The following CSPP1 variants were observed in gnomAD, a reference collection of about 807,000 sequenced individuals.
CSPP1 encodes centrosome and spindle pole-associated protein 1.
Under a neutral mutation model 164.4 loss-of-function variants are expected in CSPP1, and 126 were observed. The observed-to-expected ratio is 0.77, with a 90% CI of 0.66 to 0.89. The LOEUF is 0.89. Ranked by LOEUF, CSPP1 falls within the 40% of genes least tolerant of loss-of-function variation. CSPP1 has a pLI of 0.00. For synonymous variants in CSPP1, 472 were observed against 476.7 expected (o/e 0.99, Z 0.13); for missense variants, 1,395 against 1,449.8 (o/e 0.96, Z 0.61).
intron 17 of CSPP1, among the ~76,000 whole-genome samples, chr8:67,145,042 C>T (rs1824239528): frequency 7.2e-6 from 1 of 138,388 alleles, no homozygotes; most frequent in African/African-American, 2.7e-5. Context: ...ACTGCCAGAG[C>T]GGGACTCCAT....
At chr8:67,112,178 C>A in intron 10 of CSPP1, 113 bp downstream of exon 10, 6 of 531,678 alleles carry the variant, frequency 1.1e-5, no homozygotes, top group East Asian at 7.2e-5. Context: ...ATTTGTAAAT[C>A]ACTTATATTT....
At chr8:67,193,823 TCTAAAC>T (rs1837107645) in intron 30 of CSPP1, among the ~76,000 whole-genome samples, 1 of 152,134 alleles carries the variant, frequency 6.6e-6, no homozygotes, top group African/African-American at 2.4e-5. Context: ...TAGAGTGGAG[TCTAAAC>T]AGGTAAAATA....
At chr8:67,070,584 A>G (rs1312805291) in intron 1 of CSPP1, among the ~76,000 whole-genome samples, 1 of 151,876 alleles carries the variant, frequency 6.6e-6, no homozygotes, top group Non-Finnish European at 1.5e-5. Flanking sequence ...ACAATGAACT[A>G]TGATCGTGCC....
intron 29 of CSPP1, among the ~76,000 whole-genome samples, chr8:67,192,516 C>T (rs1211481246): frequency 2.0e-5 from 3 of 152,030 alleles, no homozygotes; most frequent in Non-Finnish European, 4.4e-5. Flanking sequence ...TGATGGTGTT[C>T]TTTGAAGCAC....
intron 17 of CSPP1, among the ~76,000 whole-genome samples, chr8:67,146,370 A>C (rs1824561408): frequency 6.6e-6 from 1 of 151,298 alleles, no homozygotes; most frequent in Non-Finnish European, 1.5e-5. Context: ...TGATCCTCCC[A>C]CCTCAGCCTC....
intron 3 of CSPP1, among the ~76,000 whole-genome samples, chr8:67,078,696 C>T (rs529366104): frequency 1.3e-5 from 2 of 148,558 alleles, no homozygotes; most frequent in Admixed American, 6.7e-5. Flanking sequence ...TCGGGCTGGG[C>T]GTGGTGGCTC....
chr8:67,087,283 G>GCATT (rs2129543766), intron 4 of CSPP1, among the ~76,000 whole-genome samples: 1 of 152,200 alleles, frequency 6.6e-6, no homozygotes, highest in East Asian at 1.9e-4. Flanking sequence ...AGATTGCATT[G>GCATT]TCCATTTATA....
At chr8:67,103,371 TGAA>T (rs1814565546) in intron 8 of CSPP1, among the ~76,000 whole-genome samples, 1 of 152,186 alleles carries the variant, frequency 6.6e-6, no homozygotes, top group Non-Finnish European at 1.5e-5. Flanking sequence ...CAAGGTGTTC[TGAA>T]GAAGTCCCTA....
At chr8:67,086,293 C>G in intron 4 of CSPP1, 183 bp downstream of exon 4, 1 of 667,242 alleles carries the variant, frequency 1.5e-6, no homozygotes, top group Non-Finnish European at 2.8e-6. Context: ...TGCTGAGAAC[C>G]GGTGCCATAG....
rs532776462 is a variant in CSPP1 at position 67,177,548 on chromosome 8, A to C, written c.3110-132A>C. ...GTTTTTTAATAAGTGATATCTTTAA[A>C]ATACTCTGAAGTGTGATAGTTGAAA... On this transcript the variant is annotated intron_variant, in intron 26 of 30. Transcript: ENST00000678616. 6.5e-6 allele frequency: 4 copies of C among 611,686 alleles called. No homozygotes were observed. The Admixed American group carries it at 1.2e-4, about 18-fold the overall frequency. The allele number at this position is 611,686 out of a possible 1,614,324, so 37.9% of individuals were successfully genotyped here.
chr8:67,159,840 TTCTTTCTTTCTTTTTCTTTCTTTC>T (rs1563710208), intron 21 of CSPP1, among the ~76,000 whole-genome samples: 2 of 129,560 alleles, frequency 1.5e-5, no homozygotes, highest in East Asian at 4.3e-4. Context: ...CTTTCTTTCT[TTCTTTCTTTCTTTTTCTTTCTTTC>T]TTTCTTTCTT....
chr8:67,195,789 T>G lies in CSPP1; in HGVS notation c.*196T>G, dbSNP rs1372194113. 6 of 555,620 alleles carry G rather than the reference T, an allele frequency of 1.1e-5. No individual in the cohort carries two copies. In the African/African-American group the frequency reaches 1.1e-4, roughly 10 times the overall value. The allele number at this position is 555,620 out of a possible 1,614,324, so 34.4% of individuals were successfully genotyped here. A position where few individuals can be genotyped will look rare whatever the true frequency, so the allele number is the denominator to read the frequency against. ...TGATTATTGATTTATATAATAGAAT[T>G]GTATAGATTATTTTTGCACAGTTTT... On this transcript the variant is annotated 3_prime_UTR_variant, in exon 31 of 31. Transcript: ENST00000678616.
chr8:67,124,853 A>T (rs2129552754), intron 15 of CSPP1, among the ~76,000 whole-genome samples: 1 of 151,874 alleles, frequency 6.6e-6, no homozygotes, highest in East Asian at 1.9e-4. Context: ...TTATTTTTTT[A>T]ATTTTTTGTA....
At chr8:67,164,064 T>C (rs1828864993) in intron 23 of CSPP1, among the ~76,000 whole-genome samples, 1 of 152,236 alleles carries the variant, frequency 6.6e-6, no homozygotes. Context: ...ATTTTTATCA[T>C]GCACAGTTTG....
At chr8:67,151,029 G>A (rs1327526588) in intron 18 of CSPP1, among the ~76,000 whole-genome samples, 1 of 151,912 alleles carries the variant, frequency 6.6e-6, no homozygotes, top group African/African-American at 2.4e-5. Flanking sequence ...CTTATTTTTG[G>A]CTAAACAGAT....
At chr8:67,157,838 A>G (rs1448585657) in intron 19 of CSPP1, 1 of 152,200 alleles carries the variant, frequency 6.6e-6, no homozygotes, top group East Asian at 1.9e-4. Flanking sequence ...TCCAGGTAGC[A>G]TTCAAGATGA....
chr8:67,154,523 C>G (rs565579732), intron 19 of CSPP1, among the ~76,000 whole-genome samples: 75 of 152,232 alleles, frequency 4.9e-4, no homozygotes, highest in African/African-American at 1.7e-3. Flanking sequence ...CCTGCCACCA[C>G]GCCCGGCTAA....
chr8:67,096,843 C>T (rs1040651981), intron 7 of CSPP1, among the ~76,000 whole-genome samples: 4 of 151,760 alleles, frequency 2.6e-5, no homozygotes, highest in African/African-American at 7.3e-5. Context: ...CCAGCCTGGG[C>T]GACAGAGCGA....
At chr8:67,122,968 T>C (rs1334034296) in intron 15 of CSPP1, 1 of 152,628 alleles carries the variant, frequency 6.6e-6, no homozygotes, top group Non-Finnish European at 1.5e-5. Flanking sequence ...GAGACCATAG[T>C]TTGCTGTAGC....
Sources: allele counts gnomAD v4.1 joint callset (sites outside exome capture counted in the v4.1 genomes callset), GRCh38; gene constraint gnomAD v4.1.1; transcripts MANE v1.5; gene names NCBI Gene and HGNC (gene_info 2026-07-23, HGNC 2026-07-21).